ITGB3: variants seen among roughly 807,000 people sequenced by gnomAD.
ITGB3 encodes integrin subunit beta 3.
ITGB3 carries 48 observed loss-of-function variants against 85.8 expected under a neutral mutation model. That is an observed-to-expected ratio of 0.56 (90% CI 0.44 to 0.71). The LOEUF (loss-of-function observed/expected upper bound fraction) is 0.71. Among genes scored for constraint, ITGB3 ranks in the 30% least tolerant of loss-of-function variants. The pLI, the probability that ITGB3 is intolerant of heterozygous loss-of-function variation, is 0.00. For missense variants in ITGB3, 861 were observed against 1,019.1 expected (o/e 0.84, Z 2.11); for synonymous variants, 363 against 395.6 (o/e 0.92, Z 0.98).
At chr17:47,263,130 G>A (rs116378016) in intron 1 of ITGB3, among the ~76,000 whole-genome samples, 504 of 151,764 alleles carry the variant, frequency 3.3e-3, no homozygotes, top group African/African-American at 0.012. Context: ...GGCTTTAGAC[G>A]TGAGGTTTCC....
intron 1 of ITGB3, 56 bp downstream of exon 1, chr17:47,253,996 T>G (rs1389450875): frequency 8.6e-7 from 1 of 1,164,694 alleles, no homozygotes; most frequent in Non-Finnish European, 1.1e-6. Context: ...TGCGCCCCGG[T>G]CAAGTTGCGG....
At position 47,299,363 on chromosome 17, in the gene ITGB3, C is replaced by T. The variant is rs776894236; in HGVS notation, c.1746C>T (p.Tyr582=). ...DCLCDSDWTG[Y]YCNCTTRTDT... The stretch of plus-strand genomic sequence containing the variant: ...TGTGTGACTCCGACTGGACCGGCTA[C>T]TACTGCAACTGTACCACGCGTACTG... The change falls in exon 11 of 15, where the codon TAC becomes TAT. Residue 582 remains tyrosine, a synonymous_variant. Coordinates refer to ENST00000559488, the MANE Select transcript of ITGB3 (RefSeq NM_000212.3). This position sits in a 1 kb window ranked among gnomAD's most constrained non-coding sequence, Gnocchi z 5.1. 1.9e-6 allele frequency: 3 copies of T among 1,614,074 alleles called. No homozygotes were observed. The highest frequency in any genetic ancestry group is 2.5e-6 in the Non-Finnish European group (3 of 1,180,044).
Position 47,286,250 on chromosome 17 carries a change from C to A in ITGB3, c.615-10C>A, listed in dbSNP as rs1217282524. The stretch of plus-strand genomic sequence containing the variant: ...GGTGTCTGCTTAAATTATCTCCCAT[C>A]CCTCCCCAGTATGAAGACCACCTGC... On this transcript the variant is annotated splice_polypyrimidine_tract_variant and intron_variant, in intron 4 of 14. Coordinates refer to ENST00000559488, the MANE Select transcript of ITGB3 (RefSeq NM_000212.3). 6.2e-7 allele frequency: 1 copy of A among 1,614,104 alleles called. No homozygotes were observed. Among genetic ancestry groups the A allele is most frequent in the Admixed American group, 1.7e-5 (1 of 60,022 alleles).
Position 47,286,389 on chromosome 17 carries a change from CTTTG to C in ITGB3, c.745_748del (p.Phe249MetfsTer33), listed in dbSNP as rs1567764796. The C allele has an allele frequency of 6.2e-7, 1 of 1,614,128 alleles. No individual in the cohort carries two copies. Among genetic ancestry groups the C allele is most frequent in the Non-Finnish European group, 8.5e-7 (1 of 1,180,028 alleles). On this transcript the variant is annotated frameshift_variant, in exon 5 of 15. Coordinates refer to ENST00000559488, the MANE Select transcript of ITGB3 (RefSeq NM_000212.3). LOFTEE classifies it high-confidence loss of function. ...GGAACCGAGATGCCCCAGAGGGTGG[CTTTG>C]ATGCCATCATGCAGGCTACAGTCTG...
intron 8 of ITGB3, among the ~76,000 whole-genome samples, chr17:47,290,615 G>T (rs576589607): frequency 6.6e-5 from 10 of 152,258 alleles, no homozygotes; most frequent in Non-Finnish European, 1.5e-4. Flanking sequence ...GGAAGGTGAG[G>T]TTGATGAAAC....
chr17:47,302,866 C>A, intron 13 of ITGB3, 26 bp downstream of exon 13: 1 of 1,613,746 alleles, frequency 6.2e-7, no homozygotes, highest in Non-Finnish European at 8.5e-7. Context: ...CGGCTCCCGG[C>A]CCTGCCCCAG....
At position 47,295,780 on chromosome 17, in the gene ITGB3, G is replaced by T. The variant is rs147152554; in HGVS notation, c.1690+3212G>T. ...TGTAGTGAAAGGCCGGGGGGCGGGT[G>T]GGGGGGCAGCTCTGCTGGCTGGCGC... On this transcript the variant is annotated intron_variant, in intron 10 of 14. Transcript: ENST00000559488. Among the ~76,000 whole-genome samples the T allele has an allele frequency of 1.8e-4, 25 of 137,968 alleles. No individual in the cohort carries two copies. The East Asian group carries it at 3.5e-3, about 19-fold the overall frequency. The allele number at this position is 137,968 out of a possible 152,430, so 90.5% of individuals were successfully genotyped here. A position where few individuals can be genotyped will look rare whatever the true frequency, so the allele number is the denominator to read the frequency against.
Position 47,293,470 on chromosome 17 carries a change from T to C in ITGB3, c.1690+902T>C, listed in dbSNP as rs114151819. Among the ~76,000 whole-genome samples the C allele has an allele frequency of 8.2e-3, 1,249 of 152,286 alleles. 16 individuals carry two copies. The highest frequency in any genetic ancestry group is 0.029 in the African/African-American group (1,189 of 41,550). On this transcript the variant is annotated intron_variant, in intron 10 of 14. Transcript: ENST00000559488. ...CTGAGGATGGGTTTTTACTGGGCCA[T>C]AATCACTGTGGCTTAATCCCTCTTG... is the stretch of plus-strand genomic sequence containing the variant.
At chr17:47,270,493 A>G (rs572900648) in intron 1 of ITGB3, among the ~76,000 whole-genome samples, 1 of 152,286 alleles carries the variant, frequency 6.6e-6, no homozygotes, top group South Asian at 2.1e-4. Flanking sequence ...ATGCAGGGAG[A>G]AGTCTTGGGT....
intron 1 of ITGB3, among the ~76,000 whole-genome samples, chr17:47,257,753 G>A (rs1567758029): frequency 6.6e-6 from 1 of 152,160 alleles, no homozygotes; most frequent in African/African-American, 2.4e-5. Flanking sequence ...AAAACTCAAG[G>A]GATCCTCTGT....
In ITGB3 at chr17:47,307,656, C is replaced by T. The variant is rs778540896; in HGVS notation, c.2301+19C>T. 4 of 1,612,618 alleles carry T rather than the reference C, an allele frequency of 2.5e-6. No homozygotes were observed. Among genetic ancestry groups the T allele is most frequent in the Non-Finnish European group, 3.4e-6 (4 of 1,179,076 alleles). On this transcript the variant is annotated intron_variant, in intron 14 of 14. Coordinates refer to ENST00000559488, the MANE Select transcript of ITGB3 (RefSeq NM_000212.3). ...GGACACAGTAAGAGACGGGGCTGGG[C>T]GTTTTCTAAAGTCATTGGTCTGAGA...
chr17:47,291,065 A>T lies in ITGB3; in HGVS notation c.1237A>T (p.Met413Leu), dbSNP rs1244038342. The T allele has an allele frequency of 1.2e-6, 2 of 1,614,020 alleles. No individual in the cohort carries two copies. The highest frequency in any genetic ancestry group is 2.7e-5 in the African/African-American group (2 of 74,904). ...NEVIPGLKSCMGLKIGDTVSF... is the reference protein window; with the variant it reads ...NEVIPGLKSCLGLKIGDTVSF... ...GGTCATCCCTGGCCTCAAGTCTTGT[A>T]TGGGACTCAAGATTGGAGACACGGT... The change falls in exon 9 of 15, where the codon ATG (methionine) becomes TTG (leucine). Residue 413 changes from methionine (M) to leucine (L), a missense_variant. Transcript: ENST00000559488.
At chr17:47,286,960 A>G (rs370168711) in intron 5 of ITGB3, 110 bp from the exon 6 acceptor site, 2 of 1,069,812 alleles carry the variant, frequency 1.9e-6, no homozygotes, top group South Asian at 1.4e-5. Flanking sequence ...AAGAAAAATA[A>G]GCTGTCCAGC....
chr17:47,310,238 T>G lies in ITGB3; in HGVS notation c.*34T>G. The G allele has an allele frequency of 6.3e-7, 1 of 1,583,156 alleles. No individual in the cohort carries two copies. Among genetic ancestry groups the G allele is most frequent in the Non-Finnish European group, 8.7e-7 (1 of 1,151,906 alleles). On this transcript the variant is annotated 3_prime_UTR_variant, in exon 15 of 15. Transcript: ENST00000559488. ...AGTCATCCTCAGATCATTATCAGCC[T>G]GTGCCACGATTGCAGGAGTCCCTGC...
rs200388813 is a variant in ITGB3 at position 47,292,295 on chromosome 17, C to G, written c.1417C>G (p.Arg473Gly). Residue 473 changes from arginine (R) to glycine (G), a missense_variant, in exon 10 of 15, where the codon CGC (arginine) becomes GGC (glycine). Arg to Gly is a moderately radical substitution (Grantham distance 125). Transcript: ENST00000559488. ...GGCCCAAGCTGAACCTAATAGCCAT[C>G]GCTGCAACAATGGCAATGGGACCTT... Reference protein sequence around the residue: ...CQAQAEPNSHRCNNGNGTFEC... With the variant: ...CQAQAEPNSHGCNNGNGTFEC... The G allele has an allele frequency of 4.3e-6, 7 of 1,614,090 alleles. No individual in the cohort carries two copies. Among genetic ancestry groups the G allele is most frequent in the Non-Finnish European group, 5.1e-6 (6 of 1,180,046 alleles).
chr17:47,291,955 G>A lies in ITGB3; in HGVS notation c.1261-184G>A, dbSNP rs975997575. Among the ~76,000 whole-genome samples, 5 of 152,184 alleles carry A rather than the reference G, an allele frequency of 3.3e-5. No homozygotes were observed. The South Asian group carries it at 6.2e-4, about 19-fold the overall frequency. ...GATATGTCACAACGATACTATTCCC[G>A]TGCTTGTGTTTTTGCTTTGCAGACC... On this transcript the variant is annotated intron_variant, in intron 9 of 14. Coordinates refer to ENST00000559488, the MANE Select transcript of ITGB3 (RefSeq NM_000212.3).
intron 13 of ITGB3, among the ~76,000 whole-genome samples, chr17:47,303,131 T>C (rs2065173680): frequency 6.6e-6 from 1 of 152,040 alleles, no homozygotes; most frequent in Non-Finnish European, 1.5e-5. Flanking sequence ...ATGCCTGTAA[T>C]TCCAGCTCCT....
intron 1 of ITGB3, among the ~76,000 whole-genome samples, chr17:47,264,317 C>T (rs955759401): frequency 2.0e-5 from 3 of 152,184 alleles, no homozygotes; most frequent in Middle Eastern, 3.2e-3. Context: ...TTCAGGTTCA[C>T]ATTTGTTCAC....
intron 10 of ITGB3, among the ~76,000 whole-genome samples, chr17:47,294,724 C>A (rs747699079): frequency 9.2e-5 from 14 of 152,302 alleles, no homozygotes; most frequent in Middle Eastern, 3.4e-3. Context: ...ATCATTTGGT[C>A]CATATGAGTG....
Sources: allele counts gnomAD v4.1 joint callset (sites outside exome capture counted in the v4.1 genomes callset), GRCh38; gene constraint gnomAD v4.1.1; non-coding constraint Gnocchi (gnomAD v3.1); transcripts MANE v1.5; gene names NCBI Gene and HGNC (gene_info 2026-07-23, HGNC 2026-07-21).